The following MCOLN2 variants were observed in gnomAD, a reference collection of about 807,000 sequenced individuals.
The protein encoded by MCOLN2 is mucolipin-2.
Under a neutral mutation model 67.5 loss-of-function variants are expected in MCOLN2, and 57 were observed. The observed-to-expected ratio is 0.84, with a 90% confidence interval of 0.68 to 1.05. The LOEUF (loss-of-function observed/expected upper bound fraction) is 1.05, where lower values mean the gene tolerates loss of function less well. MCOLN2 is among the 50% of genes least tolerant of loss of function. MCOLN2 has a pLI of 0.00. For synonymous variants in MCOLN2, 246 were observed against 233.3 expected (o/e 1.05, Z -0.50); for missense variants, 620 against 678.8 (o/e 0.91, Z 0.96).
chr1:84,968,856 A>G (rs189088670), intron 1 of MCOLN2, among the ~76,000 whole-genome samples: 104 of 152,360 alleles, frequency 6.8e-4, no homozygotes, highest in Admixed American at 2.9e-3. Context: ...TCCTGCCCCA[A>G]ACCCTGGAAG....
Position 84,938,076 on chromosome 1 carries a change from T to C in MCOLN2, c.1117A>G (p.Thr373Ala), listed in dbSNP as rs1276993061. The C allele has an allele frequency of 6.2e-7, 1 of 1,609,422 alleles. No homozygotes were observed. The highest frequency in any genetic ancestry group is 1.3e-5 in the African/African-American group (1 of 74,610). ...LKMEIKAKNL[T>A]NYDLCSIFLG... is the part of the protein sequence containing the mutation. ...AAAATGCTGCAGAGATCATAGTTTGTGAGATTCTAAGGAATGAAAAAAAAG... is the reference window on the plus strand; with the variant it reads ...AAAATGCTGCAGAGATCATAGTTTGCGAGATTCTAAGGAATGAAAAAAAAG... Residue 373 changes from threonine (T) to alanine (A), a missense_variant, in exon 10 of 14, where the codon ACA becomes GCA. Thr to Ala is a moderately conservative substitution (Grantham distance 58, BLOSUM62 0). Transcript: ENST00000370608.
Position 84,988,303 on chromosome 1 carries a change from C to T in MCOLN2, c.77+8493G>A, listed in dbSNP as rs972472034. On this transcript the variant is annotated intron_variant, in intron 1 of 13. Coordinates refer to ENST00000370608, the MANE Select transcript of MCOLN2 (RefSeq NM_153259.4). ...TTGGACTCAAGCAATCCTCCCACCT[C>T]GGCCTCCCAAAGTGCTGTGATTACA... Among the ~76,000 whole-genome samples, 10 of 152,120 alleles carry T rather than the reference C, an allele frequency of 6.6e-5. No homozygotes were observed. In the South Asian group the frequency reaches 1.0e-3, roughly 16 times the overall value.
chr1:84,962,654 T>A (rs1277839068), intron 2 of MCOLN2, among the ~76,000 whole-genome samples: 1 of 152,180 alleles, frequency 6.6e-6, no homozygotes, highest in African/African-American at 2.4e-5. Context: ...CTTCAAATAG[T>A]ACCTGAAAGG....
intron 4 of MCOLN2, among the ~76,000 whole-genome samples, chr1:84,954,408 G>C (rs1252256137): frequency 6.6e-6 from 1 of 152,222 alleles, no homozygotes; most frequent in African/African-American, 2.4e-5. Flanking sequence ...ACTGATGATA[G>C]AAATAGCAAA....
rs575714231 is a variant in MCOLN2, at chr1:84,932,756, T to C, written c.1336-1188A>G. Among the ~76,000 whole-genome samples, 15 of 152,272 alleles carry C rather than the reference T, an allele frequency of 9.9e-5. No individual in the cohort carries two copies. The South Asian group carries it at 3.1e-3, about 32-fold the overall frequency. On this transcript the variant is annotated intron_variant, in intron 11 of 13. Coordinates refer to ENST00000370608, the MANE Select transcript of MCOLN2 (RefSeq NM_153259.4). ...CTGTTCCTATCACATGTTTCTCCAATCCACCCTTACTACTCTACTGTGATG... is the reference window on the plus strand; with the variant it reads ...CTGTTCCTATCACATGTTTCTCCAACCCACCCTTACTACTCTACTGTGATG...
At chr1:84,938,819 CA>C (rs1042745187) in intron 9 of MCOLN2, among the ~76,000 whole-genome samples, 1 of 152,138 alleles carries the variant, frequency 6.6e-6, no homozygotes, top group Non-Finnish European at 1.5e-5. Context: ...CACTTCATCC[CA>C]AAGTAGGCCC....
intron 1 of MCOLN2, among the ~76,000 whole-genome samples, chr1:84,976,044 A>C (rs536129662): frequency 1.3e-5 from 2 of 152,144 alleles, no homozygotes; most frequent in Non-Finnish European, 2.9e-5. Flanking sequence ...TCCAGGAAAT[A>C]GCCTCAAAAT....
At position 84,987,579 on chromosome 1, in the gene MCOLN2, TAGATATATA is replaced by T. The variant is rs1557666006; in HGVS notation, c.77+9208_77+9216del. Reference sequence around the variant, plus strand: ...ATCTATGTATACATAGATGTATACATAGATATATACATATGTATATAGATGTATATCAAT... The same window carrying T: ...ATCTATGTATACATAGATGTATACATCATATGTATATAGATGTATATCAAT... On this transcript the variant is annotated intron_variant, in intron 1 of 13. Transcript: ENST00000370608. Among the ~76,000 whole-genome samples, 94 of 88,374 alleles carry T rather than the reference TAGATATATA, an allele frequency of 1.1e-3. 1 individual carries two copies. Among genetic ancestry groups the T allele is most frequent in the African/African-American group, 1.2e-3 (29 of 23,640 alleles). 58.0% of individuals were successfully genotyped at this position (88,374 alleles called of 152,430 possible).
intron 1 of MCOLN2, among the ~76,000 whole-genome samples, chr1:84,977,458 G>GA (rs34278299): frequency 5.3e-5 from 8 of 150,094 alleles, no homozygotes; most frequent in South Asian, 2.1e-4. Context: ...CTAAATGGAT[G>GA]AAAAAAAAAC....
chr1:84,990,745 C>A (rs1328327043), intron 1 of MCOLN2, among the ~76,000 whole-genome samples: 1 of 151,202 alleles, frequency 6.6e-6, no homozygotes, highest in Non-Finnish European at 1.5e-5. Flanking sequence ...TAGGGAGACC[C>A]CCATCTCTAG....
chr1:84,980,842 A>C (rs1650218996), intron 1 of MCOLN2, among the ~76,000 whole-genome samples: 1 of 152,188 alleles, frequency 6.6e-6, no homozygotes, highest in South Asian at 2.1e-4. Context: ...CTGCACAGCA[A>C]AGGAAACAAT....
At chr1:84,974,032 G>A (rs185663709) in intron 1 of MCOLN2, among the ~76,000 whole-genome samples, 19 of 152,264 alleles carry the variant, frequency 1.2e-4, no homozygotes, top group African/African-American at 2.9e-4. Context: ...GGTTCTGCCC[G>A]GTTAGAGCAG....
chr1:84,930,128 T>C (rs1284560074), intron 12 of MCOLN2, among the ~76,000 whole-genome samples: 1 of 151,936 alleles, frequency 6.6e-6, no homozygotes, highest in African/African-American at 2.4e-5. Context: ...CTGGCCATGG[T>C]GGTGTGCACC....
At chr1:84,980,172 GAC>G (rs2102877274) in intron 1 of MCOLN2, among the ~76,000 whole-genome samples, 1 of 152,066 alleles carries the variant, frequency 6.6e-6, no homozygotes, top group South Asian at 2.1e-4. Context: ...AATTGAAGAG[GAC>G]ACCAAAAATG....
intron 6 of MCOLN2, among the ~76,000 whole-genome samples, chr1:84,947,518 A>T (rs79551022): frequency 6.6e-6 from 1 of 152,080 alleles, no homozygotes; most frequent in Non-Finnish European, 1.5e-5. Flanking sequence ...GAGCCAGGGG[A>T]ATCTCTTTGG....
chr1:84,981,695 A>G (rs1439223007), intron 1 of MCOLN2, among the ~76,000 whole-genome samples: 1 of 152,182 alleles, frequency 6.6e-6, no homozygotes, highest in African/African-American at 2.4e-5. Flanking sequence ...ATAAAGGGGC[A>G]GTAGGGATGG....
chr1:84,936,080 C>T (rs922337241), intron 11 of MCOLN2, among the ~76,000 whole-genome samples: 1 of 152,140 alleles, frequency 6.6e-6, no homozygotes, highest in Admixed American at 6.6e-5. Flanking sequence ...GCTGGGTAAT[C>T]TCAGGAATAT....
intron 7 of MCOLN2, among the ~76,000 whole-genome samples, chr1:84,942,909 C>T (rs191298536): frequency 1.3e-5 from 2 of 152,196 alleles, no homozygotes; most frequent in Admixed American, 6.5e-5. Context: ...TCCCAACCAG[C>T]AAGAAGGTCC....
At chr1:84,973,297 T>G (rs758469953) in intron 1 of MCOLN2, among the ~76,000 whole-genome samples, 11 of 152,040 alleles carry the variant, frequency 7.2e-5, no homozygotes, top group Non-Finnish European at 1.0e-4. Flanking sequence ...GACAATATAG[T>G]GAGACTCTGT....
Sources: allele counts gnomAD v4.1 joint callset (sites outside exome capture counted in the v4.1 genomes callset), GRCh38; gene constraint gnomAD v4.1.1; transcripts MANE v1.5; gene names NCBI Gene and HGNC (gene_info 2026-07-23, HGNC 2026-07-21).